Variants in KCNK2 observed in about 807,000 individuals in gnomAD.
KCNK2 encodes the protein potassium two pore domain channel subfamily K member 2, also known as potassium channel subfamily K member 2.
KCNK2 carries 21 observed loss-of-function variants against 40.5 expected under a neutral mutation model. That is an observed-to-expected ratio of 0.52 (90% CI 0.37 to 0.75). KCNK2 has a LOEUF of 0.75. KCNK2 is among the 30% of genes least tolerant of loss of function. KCNK2 has a pLI of 0.00. For synonymous variants in KCNK2, 191 were observed against 202.2 expected (o/e 0.94, Z 0.47); for missense variants, 399 against 531.6 (o/e 0.75, Z 2.45).
intron 3 of KCNK2, among the ~76,000 whole-genome samples, chr1:215,137,977 A>G (rs938675346): frequency 1.3e-5 from 2 of 152,218 alleles, no homozygotes; most frequent in African/African-American, 2.4e-5. Context: ...AAAGGGGTCC[A>G]TAAACCACAA....
intron 1 of KCNK2, among the ~76,000 whole-genome samples, chr1:215,083,961 T>C (rs1046328290): frequency 2.6e-5 from 4 of 152,080 alleles, no homozygotes; most frequent in African/African-American, 9.7e-5. Flanking sequence ...GGGCAGCTTC[T>C]CTCCCTGATC....
intron 2 of KCNK2, among the ~76,000 whole-genome samples, chr1:215,093,745 AAT>A (rs1659820166): frequency 1.3e-5 from 1 of 78,310 alleles, no homozygotes; most frequent in Non-Finnish European, 2.2e-5. Flanking sequence ...ATAATATAAA[AAT>A]ATATTATATA....
chr1:215,044,826 T>TGCGCGCGC (rs59432481), intron 1 of KCNK2, among the ~76,000 whole-genome samples: 1 of 140,590 alleles, frequency 7.1e-6, no homozygotes, highest in South Asian at 2.3e-4. Flanking sequence ...TGTGTGTGTG[T>TGCGCGCGC]GCGCGCGCAC....
chr1:215,068,613 T>C (rs1016683794), intron 1 of KCNK2, among the ~76,000 whole-genome samples: 1 of 152,190 alleles, frequency 6.6e-6, no homozygotes, highest in Non-Finnish European at 1.5e-5. Flanking sequence ...ATAGCTACAC[T>C]TGGTGGCTGG....
intron 3 of KCNK2, among the ~76,000 whole-genome samples, chr1:215,147,072 T>C (rs1423532335): frequency 5.3e-5 from 8 of 152,208 alleles, no homozygotes; most frequent in Non-Finnish European, 2.9e-5. Flanking sequence ...ATCAATATTG[T>C]TCTATGTACA....
chr1:215,151,449 T>A (rs995570094), intron 3 of KCNK2, among the ~76,000 whole-genome samples: 23 of 152,254 alleles, frequency 1.5e-4, no homozygotes, highest in African/African-American at 5.5e-4. Context: ...TTAATCATAT[T>A]GCTTTTTAAT....
At chr1:215,188,619 C>G (rs913855446) in intron 5 of KCNK2, among the ~76,000 whole-genome samples, 1 of 152,008 alleles carries the variant, frequency 6.6e-6, no homozygotes, top group African/African-American at 2.4e-5. Context: ...GCAGTTAGTT[C>G]AAGTAGAGAC....
chr1:215,201,775 C>T (rs1665089761), intron 6 of KCNK2, among the ~76,000 whole-genome samples: 1 of 152,066 alleles, frequency 6.6e-6, no homozygotes, highest in African/African-American at 2.4e-5. Context: ...TTTCTTCCTC[C>T]AATGCTAGAA....
chr1:215,056,308 C>CAAA lies in KCNK2; in HGVS notation c.35-30047_35-30045dup, dbSNP rs71167804. Among the ~76,000 whole-genome samples the CAAA allele has an allele frequency of 6.4e-3, 782 of 121,352 alleles. 11 individuals are homozygous for CAAA. Among genetic ancestry groups the CAAA allele is most frequent in the East Asian group, 0.033 (133 of 4,040 alleles). The allele number at this position is 121,352 out of a possible 152,430, so 79.6% of individuals were successfully genotyped here. ...GGGCAACAAGAGTGAAACTCCATCT[C>CAAA]AAAAAAAAAAAAAAAGGAAAGAAAT... On this transcript the variant is annotated intron_variant, in intron 1 of 6. Coordinates refer to the KCNK2 transcript ENST00000391895.
At position 215,072,938 on chromosome 1, in the gene KCNK2, A is replaced by G. The variant is rs116743859; in HGVS notation, c.35-13430A>G. Among the ~76,000 whole-genome samples, 705 of 152,298 alleles carry G rather than the reference A, an allele frequency of 4.6e-3. 3 individuals are homozygous for G. The highest frequency in any genetic ancestry group is 0.016 in the African/African-American group (670 of 41,556). ...CCTAACCCCAATACCGTAGAATGTG[A>G]CCTTATTATGAAATAAGGTCTTTAC... On this transcript the variant is annotated intron_variant, in intron 1 of 6. Coordinates refer to the KCNK2 transcript ENST00000391895.
At chr1:215,171,868 G>A in intron 4 of KCNK2, 129 bp from the exon 5 acceptor site, 1 of 572,160 alleles carries the variant, frequency 1.7e-6, no homozygotes, top group South Asian at 3.3e-5. Flanking sequence ...GCTCATAATA[G>A]TGTATAGGTT....
At chr1:215,096,335 T>C (rs1659976539) in intron 2 of KCNK2, among the ~76,000 whole-genome samples, 1 of 151,980 alleles carries the variant, frequency 6.6e-6, no homozygotes, top group South Asian at 2.1e-4. Flanking sequence ...ATTTTTTTCC[T>C]ACTAAAAATA....
chr1:215,094,331 A>G (rs1054140624), intron 2 of KCNK2, among the ~76,000 whole-genome samples: 18 of 152,164 alleles, frequency 1.2e-4, no homozygotes, highest in African/African-American at 4.1e-4. Flanking sequence ...TAATCTCTGG[A>G]AAAAAGCACT....
At chr1:215,188,688 G>C (rs1295688388) in intron 5 of KCNK2, among the ~76,000 whole-genome samples, 2 of 152,068 alleles carry the variant, frequency 1.3e-5, no homozygotes, top group Non-Finnish European at 2.9e-5. Flanking sequence ...CAAAGGCCAG[G>C]TATTAAAATT....
chr1:215,067,034 G>A (rs369308148), intron 1 of KCNK2, among the ~76,000 whole-genome samples: 3 of 151,952 alleles, frequency 2.0e-5, no homozygotes, highest in Non-Finnish European at 2.9e-5. Context: ...CAGGAGAGTG[G>A]TTATTTTGTG....
At chr1:215,213,909 A>G (rs943398416) in intron 6 of KCNK2, among the ~76,000 whole-genome samples, 2 of 152,142 alleles carry the variant, frequency 1.3e-5, no homozygotes, top group African/African-American at 2.4e-5. Flanking sequence ...AGAATTTTAT[A>G]TTTAATAAAT....
chr1:215,217,091 T>C (rs888825573), intron 6 of KCNK2, among the ~76,000 whole-genome samples: 1 of 152,196 alleles, frequency 6.6e-6, no homozygotes, highest in Non-Finnish European at 1.5e-5. Context: ...TTTTTCCAAA[T>C]CTAAAGCAAG....
chr1:215,150,301 G>C (rs767286978), intron 3 of KCNK2, among the ~76,000 whole-genome samples: 1 of 152,130 alleles, frequency 6.6e-6, no homozygotes, highest in Non-Finnish European at 1.5e-5. Context: ...TTTCGGTTTG[G>C]TTAACTTATT....
At chr1:215,234,501 T>A (rs4609400) in intron 6 of KCNK2, among the ~76,000 whole-genome samples, 152,336 of 152,336 alleles carry the variant, frequency 1, 76,168 homozygotes, top group Non-Finnish European at 1. Flanking sequence ...AAATGTTTTT[T>A]AAAAGCTAGA....
Sources: allele counts gnomAD v4.1 joint callset (sites outside exome capture counted in the v4.1 genomes callset), GRCh38; gene constraint gnomAD v4.1.1; transcripts MANE v1.5; gene names NCBI Gene and HGNC (gene_info 2026-07-23, HGNC 2026-07-21).